CRTAC1: variants seen among roughly 807,000 people sequenced by gnomAD.
CRTAC1 encodes acidic secreted protein in cartilage.
Under a neutral mutation model 67.8 loss-of-function variants are expected in CRTAC1, and 37 were observed. That is an observed-to-expected ratio of 0.55 (90% confidence interval 0.42 to 0.72). The LOEUF is 0.72. Among genes scored for constraint, CRTAC1 ranks in the 30% least tolerant of loss-of-function variants. CRTAC1 has a pLI of 0.00. For synonymous variants in CRTAC1, 348 were observed against 371.0 expected (o/e 0.94, Z 0.71); for missense variants, 780 against 931.6 (o/e 0.84, Z 2.12).
At chr10:97,899,771 G>A (rs1217436119) in intron 8 of CRTAC1, among the ~76,000 whole-genome samples, 3 of 152,144 alleles carry the variant, frequency 2.0e-5, no homozygotes, top group Admixed American at 1.3e-4. Context: ...ATGGGGTAGG[G>A]GTCTTGGGGG....
At chr10:98,014,759 C>T (rs1842964783) in intron 1 of CRTAC1, among the ~76,000 whole-genome samples, 1 of 152,150 alleles carries the variant, frequency 6.6e-6, no homozygotes, top group Admixed American at 6.5e-5. Context: ...CCATTTCACA[C>T]CCATTAGGAT....
chr10:97,889,616 TG>T (rs2050337600), intron 11 of CRTAC1, among the ~76,000 whole-genome samples: 1 of 152,046 alleles, frequency 6.6e-6, no homozygotes, highest in Non-Finnish European at 1.5e-5. Context: ...CTGCGTCCTC[TG>T]GGTGTGCTCC....
chr10:97,917,944 T>C (rs1220472392), intron 4 of CRTAC1, among the ~76,000 whole-genome samples: 1 of 152,190 alleles, frequency 6.6e-6, no homozygotes, highest in Non-Finnish European at 1.5e-5. Context: ...CAACCACCTT[T>C]TTATAGACAA....
At chr10:97,946,620 T>C (rs529222633) in intron 2 of CRTAC1, among the ~76,000 whole-genome samples, 1 of 152,246 alleles carries the variant, frequency 6.6e-6, no homozygotes, top group South Asian at 2.1e-4. Context: ...GATCCACCTA[T>C]ATGCAGGAAG....
At chr10:97,962,693 G>A (rs1313089313) in intron 2 of CRTAC1, among the ~76,000 whole-genome samples, 2 of 152,048 alleles carry the variant, frequency 1.3e-5, no homozygotes, top group African/African-American at 2.4e-5. Context: ...AAGGCTCTGC[G>A]GTCTTTCGGT....
intron 2 of CRTAC1, among the ~76,000 whole-genome samples, chr10:97,987,870 G>C (rs2052009043): frequency 6.6e-6 from 1 of 152,134 alleles, no homozygotes; most frequent in Non-Finnish European, 1.5e-5. Context: ...CTTTGCATTT[G>C]AAGATCAATC....
chr10:97,971,513 G>T (rs2051712055), intron 2 of CRTAC1, among the ~76,000 whole-genome samples: 1 of 152,204 alleles, frequency 6.6e-6, no homozygotes, highest in South Asian at 2.1e-4. Context: ...AGGAGAGAAT[G>T]GGGAGTGAGT....
chr10:97,901,623 T>C lies in CRTAC1; in HGVS notation c.1013A>G (p.Lys338Arg). Residue 338 changes from lysine (K) to arginine (R), a missense_variant, in exon 8 of 15, where the codon AAG (lysine) becomes AGG (arginine). Lys to Arg is a conservative substitution (Grantham distance 26, BLOSUM62 2). Coordinates refer to ENST00000370597, the MANE Select transcript of CRTAC1 (RefSeq NM_018058.7). ...KVRFRDIASP[K>R]FSMPSPVRTV... is the part of the protein sequence containing the mutation. ...GCGGACAGGGGAGGGCATGGAGAAC[T>C]TGGGTGAGGCGATGTCCTGGAGGAA... 1.2e-6 allele frequency: 2 copies of C among 1,614,038 alleles called. No homozygotes were observed. Among genetic ancestry groups the C allele is most frequent in the South Asian group, 1.1e-5 (1 of 91,072 alleles).
chr10:97,943,298 T>C (rs1590226883), intron 2 of CRTAC1, among the ~76,000 whole-genome samples: 1 of 152,036 alleles, frequency 6.6e-6, no homozygotes, highest in Non-Finnish European at 1.5e-5. Context: ...TAAAACCTTT[T>C]AAGTAAACAT....
At chr10:97,955,258 A>T (rs765761556) in intron 2 of CRTAC1, among the ~76,000 whole-genome samples, 2 of 152,220 alleles carry the variant, frequency 1.3e-5, no homozygotes, top group Non-Finnish European at 2.9e-5. Context: ...AGTCCTCAAG[A>T]ACCCTGAGTA....
At chr10:98,020,448 G>A (rs1843092775) in intron 1 of CRTAC1, among the ~76,000 whole-genome samples, 1 of 152,208 alleles carries the variant, frequency 6.6e-6, no homozygotes. Flanking sequence ...GCACAGAGAG[G>A]GTAAGTAACT....
At chr10:98,025,443 A>T (rs1174245161) in intron 1 of CRTAC1, among the ~76,000 whole-genome samples, 1 of 152,162 alleles carries the variant, frequency 6.6e-6, no homozygotes, top group African/African-American at 2.4e-5. Flanking sequence ...GGATTTCGAT[A>T]AGGTAAAAAT....
intron 2 of CRTAC1, among the ~76,000 whole-genome samples, chr10:97,957,950 C>A (rs2051467389): frequency 1.3e-5 from 2 of 151,988 alleles, no homozygotes; most frequent in South Asian, 4.2e-4. Context: ...CTCCTCCACC[C>A]AATACCCCCA....
intron 1 of CRTAC1, among the ~76,000 whole-genome samples, chr10:98,026,663 T>C (rs1362262969): frequency 1.3e-5 from 2 of 152,104 alleles, no homozygotes; most frequent in African/African-American, 4.8e-5. Flanking sequence ...AAGCTCCAAC[T>C]TCATCTTCTG....
At chr10:97,933,084 G>A (rs1000482503) in intron 3 of CRTAC1, among the ~76,000 whole-genome samples, 1 of 152,258 alleles carries the variant, frequency 6.6e-6, no homozygotes, top group Non-Finnish European at 1.5e-5. Flanking sequence ...GCATGCCTGG[G>A]CTGGTTGGGA....
At chr10:97,937,103 C>G (rs761223787) in intron 2 of CRTAC1, among the ~76,000 whole-genome samples, 4 of 152,170 alleles carry the variant, frequency 2.6e-5, no homozygotes, top group Non-Finnish European at 4.4e-5. Flanking sequence ...GGATCTTTTT[C>G]TAAGAAATCA....
chr10:98,028,598 TC>T (rs1483445248), intron 1 of CRTAC1, among the ~76,000 whole-genome samples: 12 of 152,176 alleles, frequency 7.9e-5, no homozygotes, highest in East Asian at 3.9e-4. Flanking sequence ...TAACCAAACA[TC>T]AAGGTACCAA....
At chr10:97,938,610 C>T (rs1251148962) in intron 2 of CRTAC1, among the ~76,000 whole-genome samples, 1 of 152,174 alleles carries the variant, frequency 6.6e-6, no homozygotes, top group East Asian at 1.9e-4. Context: ...GTTCATTTTT[C>T]CCCCTGGCTG....
intron 2 of CRTAC1, among the ~76,000 whole-genome samples, chr10:97,954,999 C>T (rs2051419055): frequency 6.6e-6 from 1 of 152,198 alleles, no homozygotes; most frequent in African/African-American, 2.4e-5. Context: ...CATTCAACCA[C>T]TACATCCCCT....
Sources: gnomAD v4.1 joint callset for allele counts (sites outside exome capture counted in the v4.1 genomes callset) on GRCh38, gnomAD v4.1.1 for gene constraint, MANE v1.5 for transcripts, NCBI Gene and HGNC (gene_info 2026-07-23, HGNC 2026-07-21) for gene names.